The following LDB2 variants were observed in gnomAD, a reference collection of about 807,000 sequenced individuals.
LDB2 encodes LIM domain binding 2.
In LDB2, 12 loss-of-function variants were observed where a neutral mutation model predicts 44.3. That is an observed-to-expected ratio of 0.27 (90% CI 0.17 to 0.44). The LOEUF (loss-of-function observed/expected upper bound fraction) is 0.44, where lower values mean the gene tolerates loss of function less well. Ranked by LOEUF, LDB2 falls within the 20% of genes least tolerant of loss-of-function variation. The pLI is 1.00. For synonymous variants in LDB2, 164 were observed against 174.8 expected (o/e 0.94, Z 0.49); for missense variants, 344 against 473.5 (o/e 0.73, Z 2.54).
intron 2 of LDB2, among the ~76,000 whole-genome samples, chr4:16,681,738 T>A (rs903922154): frequency 6.7e-6 from 1 of 149,556 alleles, no homozygotes; most frequent in Non-Finnish European, 1.5e-5. Context: ...GCCTGGCTCA[T>A]TTTTTTGTAT....
chr4:16,581,111 A>G (rs977892208), intron 5 of LDB2, among the ~76,000 whole-genome samples: 2 of 152,224 alleles, frequency 1.3e-5, no homozygotes, highest in Admixed American at 6.5e-5. Context: ...AGTCCTTCTC[A>G]TGAGCTCTGC....
intron 2 of LDB2, among the ~76,000 whole-genome samples, chr4:16,753,334 A>AC (rs1197792270): frequency 6.6e-6 from 1 of 152,242 alleles, no homozygotes; most frequent in African/African-American, 2.4e-5. Context: ...TAGTGAACCT[A>AC]CTTGGGCCCC....
chr4:16,754,776 C>T (rs1766177965), intron 2 of LDB2, among the ~76,000 whole-genome samples: 1 of 152,190 alleles, frequency 6.6e-6, no homozygotes, highest in South Asian at 2.1e-4. Flanking sequence ...AGGTGATTCA[C>T]CTGCCTTGGC....
chr4:16,783,084 C>T (rs1047825877), intron 1 of LDB2, among the ~76,000 whole-genome samples: 16 of 152,162 alleles, frequency 1.1e-4, no homozygotes, highest in African/African-American at 3.9e-4. Flanking sequence ...TTGAGGCGTA[C>T]AGGCAGCAGG....
At chr4:16,699,799 A>C (rs1753026269) in intron 2 of LDB2, among the ~76,000 whole-genome samples, 1 of 152,152 alleles carries the variant, frequency 6.6e-6, no homozygotes, top group Non-Finnish European at 1.5e-5. Context: ...CTGAGTAGGG[A>C]ACACAGACAT....
At chr4:16,687,032 A>G (rs1749416130) in intron 2 of LDB2, among the ~76,000 whole-genome samples, 1 of 150,768 alleles carries the variant, frequency 6.6e-6, no homozygotes, top group South Asian at 2.1e-4. Flanking sequence ...GAGAATATAT[A>G]TTTTTCTTTT....
chr4:16,603,296 G>A (rs926579136), intron 2 of LDB2, among the ~76,000 whole-genome samples: 2 of 152,184 alleles, frequency 1.3e-5, no homozygotes, highest in Non-Finnish European at 2.9e-5. Flanking sequence ...CTAATGGCTT[G>A]TAAAGATAGT....
chr4:16,762,522 A>C (rs1768149982), intron 1 of LDB2, among the ~76,000 whole-genome samples: 1 of 152,106 alleles, frequency 6.6e-6, no homozygotes, highest in Non-Finnish European at 1.5e-5. Flanking sequence ...GAAGGGGAGG[A>C]GAGGAATGAA....
chr4:16,631,216 G>A (rs549463027), intron 2 of LDB2, among the ~76,000 whole-genome samples: 8 of 152,280 alleles, frequency 5.3e-5, no homozygotes, highest in African/African-American at 1.9e-4. Context: ...TAAAAGAACA[G>A]AAATCACAAC....
intron 2 of LDB2, among the ~76,000 whole-genome samples, chr4:16,671,129 A>AC (rs1744657857): frequency 1.3e-5 from 2 of 151,728 alleles, no homozygotes; most frequent in South Asian, 2.1e-4. Flanking sequence ...AACAAAAAAA[A>AC]CAAGTGCTTA....
At chr4:16,716,733 T>C (rs1231645471) in intron 2 of LDB2, among the ~76,000 whole-genome samples, 2 of 152,126 alleles carry the variant, frequency 1.3e-5, no homozygotes, top group African/African-American at 4.8e-5. Flanking sequence ...TACCGTACCC[T>C]AGAATTTCTC....
intron 1 of LDB2, among the ~76,000 whole-genome samples, chr4:16,779,415 T>A (rs1434278779): frequency 3.9e-5 from 6 of 152,202 alleles, no homozygotes; most frequent in African/African-American, 1.2e-4. Context: ...GCAGATCTTT[T>A]CCATTCACAC....
chr4:16,664,544 A>C (rs778461130), intron 2 of LDB2, among the ~76,000 whole-genome samples: 5 of 152,048 alleles, frequency 3.3e-5, no homozygotes, highest in Non-Finnish European at 7.4e-5. Flanking sequence ...TGAACTGTGA[A>C]AGGGTTCTTG....
intron 1 of LDB2, among the ~76,000 whole-genome samples, chr4:16,790,569 G>A (rs184665924): frequency 1.7e-4 from 26 of 152,228 alleles, no homozygotes; most frequent in African/African-American, 5.3e-4. Context: ...ACTCCATGAC[G>A]TTTGCATAAC....
chr4:16,584,440 T>C (rs1314351922), intron 5 of LDB2, among the ~76,000 whole-genome samples: 1 of 152,204 alleles, frequency 6.6e-6, no homozygotes, highest in African/African-American at 2.4e-5. Context: ...TGAGTTCAAG[T>C]CCCAGTTCTG....
chr4:16,598,013 CTCCCATTT>C (rs972584865), intron 2 of LDB2, among the ~76,000 whole-genome samples: 1 of 152,152 alleles, frequency 6.6e-6, no homozygotes, highest in African/African-American at 2.4e-5. Context: ...TGAGCCTGCC[CTCCCATTT>C]TCCCATGGTC....
intron 5 of LDB2, among the ~76,000 whole-genome samples, chr4:16,520,591 G>T (rs1259704213): frequency 6.6e-6 from 1 of 152,198 alleles, no homozygotes; most frequent in Non-Finnish European, 1.5e-5. Flanking sequence ...GATTACTCAT[G>T]AAAGTTATCG....
intron 1 of LDB2, among the ~76,000 whole-genome samples, chr4:16,859,791 G>T (rs1193175761): frequency 6.6e-6 from 1 of 152,162 alleles, no homozygotes; most frequent in African/African-American, 2.4e-5. Context: ...TTGACAATCT[G>T]CTATGTGCCA....
intron 5 of LDB2, among the ~76,000 whole-genome samples, chr4:16,569,582 T>G (rs553460308): frequency 5.7e-4 from 87 of 152,200 alleles, no homozygotes; most frequent in Non-Finnish European, 9.4e-4. Flanking sequence ...AATGAGTCCT[T>G]CAAATGGAAT....
Sources: gnomAD v4.1 joint callset for allele counts (sites outside exome capture counted in the v4.1 genomes callset) on GRCh38, gnomAD v4.1.1 for gene constraint, MANE v1.5 for transcripts, NCBI Gene and HGNC (gene_info 2026-07-23, HGNC 2026-07-21) for gene names.